The following NSMAF variants were observed in gnomAD, a reference collection of about 807,000 sequenced individuals.
The protein encoded by NSMAF is neutral sphingomyelinase activation associated factor.
A neutral mutation model predicts 134.9 loss-of-function variants in NSMAF; 90 were observed. The ratio of observed to expected loss-of-function variants is 0.67; its 90% CI spans 0.56 to 0.79. The LOEUF (loss-of-function observed/expected upper bound fraction) is 0.79, where lower values mean the gene tolerates loss of function less well. NSMAF is among the 30% of genes least tolerant of loss of function. The pLI, the probability that NSMAF is intolerant of heterozygous loss-of-function variation, is 0.00. For missense variants in NSMAF, 1,010 were observed against 1,119.0 expected, an observed-to-expected ratio of 0.90 and a Z score of 1.39; for synonymous variants, 358 against 389.6, an observed-to-expected ratio of 0.92 and a Z score of 0.96.
chr8:58,659,425 C>G, intron 1 of NSMAF, 148 bp downstream of exon 1: 4 of 1,507,604 alleles, frequency 2.7e-6, no homozygotes, highest in Non-Finnish European at 3.5e-6. Context: ...CCGCCACAGC[C>G]CCCAGCCCAG....
chr8:58,628,146 T>A (rs193222278), intron 6 of NSMAF, among the ~76,000 whole-genome samples: 1 of 152,316 alleles, frequency 6.6e-6, no homozygotes. Context: ...AAGGACACCC[T>A]ATTCAATAAA....
At chr8:58,634,360 G>A (rs907816300) in intron 5 of NSMAF, among the ~76,000 whole-genome samples, 2 of 152,128 alleles carry the variant, frequency 1.3e-5, no homozygotes, top group Non-Finnish European at 2.9e-5. Context: ...AAAGTGCTGG[G>A]AGCATGCTCT....
chr8:58,605,360 G>A (rs543335155), intron 12 of NSMAF, among the ~76,000 whole-genome samples: 17 of 152,232 alleles, frequency 1.1e-4, no homozygotes, highest in African/African-American at 1.9e-4. Flanking sequence ...TCACTGCCTC[G>A]CAGTACAAAA....
intron 16 of NSMAF, 26 bp from the exon 17 acceptor site, chr8:58,600,047 A>C: frequency 6.3e-7 from 1 of 1,579,766 alleles, no homozygotes; most frequent in Non-Finnish European, 8.7e-7. Flanking sequence ...AAATTCACCT[A>C]TTTTCAGCTA....
At position 58,584,267 on chromosome 8, in the gene NSMAF, T is replaced by G; in HGVS notation, c.2660-67A>C. 3 of 1,088,798 alleles carry G rather than the reference T, an allele frequency of 2.8e-6. 1 individual carries two copies. Among genetic ancestry groups the G allele is most frequent in the Non-Finnish European group, 4.2e-6 (3 of 710,322 alleles). 67.4% of individuals were successfully genotyped at this position (1,088,798 alleles called of 1,614,324 possible). ...AGGCACCCAAAGATAAACTTTACTC[T>G]GATGCTTACTCTTGCTTTGCTATTC... On this transcript the variant is annotated intron_variant, in intron 30 of 30. Coordinates refer to ENST00000038176, the MANE Select transcript of NSMAF (RefSeq NM_003580.4).
chr8:58,594,343 C>G (rs568389920), intron 22 of NSMAF, 53 bp from the exon 23 acceptor site: 1 of 1,460,934 alleles, frequency 6.8e-7, no homozygotes, highest in Non-Finnish European at 9.6e-7. Flanking sequence ...TTAGGATACC[C>G]TCTTTGTTTC....
At chr8:58,620,489 G>A (rs901585697) in intron 9 of NSMAF, among the ~76,000 whole-genome samples, 14 of 152,182 alleles carry the variant, frequency 9.2e-5, no homozygotes, top group African/African-American at 3.4e-4. Context: ...TGAAGGCACT[G>A]GGGATGGGGG....
At chr8:58,658,501 C>T (rs1179221257) in intron 1 of NSMAF, among the ~76,000 whole-genome samples, 1 of 152,198 alleles carries the variant, frequency 6.6e-6, no homozygotes, top group African/African-American at 2.4e-5. Context: ...GGGGTCGAGT[C>T]AACCCTTATA....
intron 18 of NSMAF, 41 bp downstream of exon 18, chr8:58,599,709 A>G (rs1806230057): frequency 1.3e-6 from 2 of 1,585,302 alleles, no homozygotes; most frequent in Admixed American, 1.9e-5. Context: ...ACTACTTGGT[A>G]AAGCATGTCT....
intron 1 of NSMAF, among the ~76,000 whole-genome samples, chr8:58,648,517 G>C (rs1370137974): frequency 6.6e-6 from 1 of 152,200 alleles, no homozygotes; most frequent in Non-Finnish European, 1.5e-5. Context: ...CAAAACAATG[G>C]GGAAGGCCTC....
intron 30 of NSMAF, among the ~76,000 whole-genome samples, chr8:58,584,677 A>AC (rs1805845816): frequency 6.6e-6 from 1 of 152,126 alleles, no homozygotes; most frequent in African/African-American, 2.4e-5. Context: ...TCTTGCTCTT[A>AC]CCCAGGCTGG....
At chr8:58,612,452 T>G (rs958894786) in intron 9 of NSMAF, among the ~76,000 whole-genome samples, 1 of 152,222 alleles carries the variant, frequency 6.6e-6, no homozygotes, top group Non-Finnish European at 1.5e-5. Context: ...CTCATCTGGC[T>G]GTTCATCTGT....
At chr8:58,588,458 G>A in intron 26 of NSMAF, 1 of 1,230,160 alleles carries the variant, frequency 8.1e-7, no homozygotes, top group Non-Finnish European at 1.2e-6. Context: ...GCACCCGCAG[G>A]TCTAAATTGG....
Position 58,584,102 on chromosome 8 carries a change from G to A in NSMAF, c.*4C>T. ...AATTTAATATTCAGGAGAGGAAAAG[G>A]CACTTAATACTGCAATTTCCAGAAT... On this transcript the variant is annotated 3_prime_UTR_variant, in exon 31 of 31. Coordinates refer to ENST00000038176, the MANE Select transcript of NSMAF (RefSeq NM_003580.4). 6.2e-7 allele frequency: 1 copy of A among 1,601,802 alleles called. No homozygotes were observed. The highest frequency in any genetic ancestry group is 1.1e-5 in the South Asian group (1 of 90,878).
In NSMAF at chr8:58,631,182, G is replaced by A. The variant is rs543468572; in HGVS notation, c.384+314C>T. 1.5e-4 allele frequency among the ~76,000 whole-genome samples: 23 copies of A among 151,784 alleles called. No homozygotes were observed. The South Asian group carries it at 3.7e-3, about 25-fold the overall frequency. Reference sequence around the variant, plus strand: ...TTTTAAAACTAAATTTTTTAGTAACGTACTGGTAAATAAATTCTCAGTAAC... The same window carrying A: ...TTTTAAAACTAAATTTTTTAGTAACATACTGGTAAATAAATTCTCAGTAAC... On this transcript the variant is annotated intron_variant, in intron 6 of 30. Coordinates refer to ENST00000038176, the MANE Select transcript of NSMAF (RefSeq NM_003580.4).
intron 1 of NSMAF, among the ~76,000 whole-genome samples, chr8:58,655,040 T>C (rs577329032): frequency 2.6e-5 from 4 of 152,182 alleles, no homozygotes; most frequent in Admixed American, 2.6e-4. Flanking sequence ...GGTTTCACCA[T>C]GTTGACCAGG....
chr8:58,600,124 T>C (rs1806244947), intron 16 of NSMAF, 103 bp from the exon 17 acceptor site: 1 of 810,654 alleles, frequency 1.2e-6, no homozygotes, highest in Non-Finnish European at 2.0e-6. Context: ...TGTATTAACT[T>C]CTGTTTGTCA....
intron 9 of NSMAF, among the ~76,000 whole-genome samples, chr8:58,617,235 A>G (rs1806678398): frequency 1.3e-5 from 2 of 152,238 alleles, no homozygotes; most frequent in African/African-American, 4.8e-5. Flanking sequence ...AATATCATTC[A>G]GGACATAGGC....
intron 9 of NSMAF, among the ~76,000 whole-genome samples, chr8:58,619,858 A>G (rs542861379): frequency 1.5e-3 from 224 of 152,314 alleles, no homozygotes; most frequent in African/African-American, 4.9e-3. Flanking sequence ...GAAATTGACA[A>G]GCTGATTCTA....
Sources: allele counts gnomAD v4.1 joint callset (sites outside exome capture counted in the v4.1 genomes callset), GRCh38; gene constraint gnomAD v4.1.1; transcripts MANE v1.5; gene names NCBI Gene and HGNC (gene_info 2026-07-23, HGNC 2026-07-21).